The following TRPV4 variants were observed in gnomAD, a reference collection of about 807,000 sequenced individuals.
The protein encoded by TRPV4 is OSM9-like transient receptor potential channel 4.
TRPV4 carries 58 observed loss-of-function variants against 84.1 expected under a neutral mutation model. That is an observed-to-expected ratio of 0.69 (90% CI 0.56 to 0.86). The LOEUF is 0.86. Ranked by LOEUF, TRPV4 falls within the 40% of genes least tolerant of loss-of-function variation. The pLI, the probability that TRPV4 is intolerant of heterozygous loss-of-function variation, is 0.00. For synonymous variants in TRPV4, 489 were observed against 500.9 expected (o/e 0.98, Z 0.32); for missense variants, 879 against 1,181.1 (o/e 0.74, Z 3.75).
intron 1 of TRPV4, among the ~76,000 whole-genome samples, chr12:109,816,805 A>G (rs773659451): frequency 6.6e-6 from 1 of 152,244 alleles, no homozygotes; most frequent in South Asian, 2.1e-4. Context: ...TAAGTTGCTT[A>G]GCCTCTCTGA....
intron 1 of TRPV4, among the ~76,000 whole-genome samples, chr12:109,820,513 C>CTTTTTTTTTTTTTTTTT (rs1245573219): frequency 2.8e-5 from 3 of 106,728 alleles, no homozygotes; most frequent in Non-Finnish European, 4.1e-5. Context: ...CTTCAGCTGC[C>CTTTTTTTTTTTTTTTTT]CTATTTTTTT....
chr12:109,792,346 G>A lies in TRPV4; in HGVS notation c.1891+17C>T, dbSNP rs376766007. On this transcript the variant is annotated intron_variant, in intron 12 of 15. Transcript: ENST00000261740. ...TGCACCACCCCTGCCAGGACCACCT[G>A]AGCACCCAGAGCTCACCTGAAGCGT... 29 of 1,611,302 alleles carry A rather than the reference G, an allele frequency of 1.8e-5. No individual in the cohort carries two copies. In the African/African-American group the frequency reaches 2.1e-4, roughly 12 times the overall value.
chr12:109,788,945 G>A (rs758854470), intron 12 of TRPV4, among the ~76,000 whole-genome samples: 1 of 152,172 alleles, frequency 6.6e-6, no homozygotes, highest in African/African-American at 2.4e-5. Flanking sequence ...ATAAGGAAGA[G>A]GTTATCTCTC....
At chr12:109,825,611 T>C (rs1284576682) in intron 1 of TRPV4, among the ~76,000 whole-genome samples, 2 of 151,952 alleles carry the variant, frequency 1.3e-5, no homozygotes, top group African/African-American at 4.8e-5. Flanking sequence ...TTGGAAAGGG[T>C]TTCCTCGCCA....
chr12:109,830,578 G>A (rs975095560), intron 1 of TRPV4, among the ~76,000 whole-genome samples: 1 of 152,136 alleles, frequency 6.6e-6, no homozygotes, highest in African/African-American at 2.4e-5. Context: ...ATTCCAGAGG[G>A]CCCACTGGCA....
Position 109,814,871 on chromosome 12 carries a change from G to T in TRPV4, c.-31-44C>A, listed in dbSNP as rs1891771094. The stretch of plus-strand genomic sequence containing the variant: ...GGAGTCAGGCAGAACCCGGCCAGGG[G>T]CGGGGGCTCCAGGAAGCCCCCTCCC... On this transcript the variant is annotated intron_variant, in intron 1 of 15. Coordinates refer to ENST00000261740, the MANE Select transcript of TRPV4 (RefSeq NM_021625.5). This position sits in a 1 kb window ranked among gnomAD's most constrained non-coding sequence, Gnocchi z 5.4. The T allele has an allele frequency of 8.5e-6, 13 of 1,521,336 alleles. No homozygotes were observed. In the South Asian group the frequency reaches 1.4e-4, roughly 17 times the overall value. The allele number at this position is 1,521,336 out of a possible 1,614,324, so 94.2% of individuals were successfully genotyped here. A position where few individuals can be genotyped will look rare whatever the true frequency, so the allele number is the denominator to read the frequency against.
At chr12:109,819,575 T>A (rs1892011305) in intron 1 of TRPV4, among the ~76,000 whole-genome samples, 1 of 152,188 alleles carries the variant, frequency 6.6e-6, no homozygotes, top group Non-Finnish European at 1.5e-5. Flanking sequence ...GGGTGTTTGT[T>A]TGTTGAGACA....
rs779325064 is a variant in TRPV4 at position 109,793,558 on chromosome 12, G to C, written c.1627C>G (p.Leu543Val). Residue 543 changes from leucine to valine, a missense_variant, in exon 10 of 16, where the codon CTC becomes GTC. This residue lies in a region of TRPV4 where 521 missense variants were observed against 686.6 expected (regional missense o/e 0.76). Coordinates refer to ENST00000261740, the MANE Select transcript of TRPV4 (RefSeq NM_021625.5). This position sits in a 1 kb window ranked among gnomAD's most constrained non-coding sequence, Gnocchi z 4.0. ...AGCTGGAAGGAGCCATCAATGAAGA[G>C]AGAATTCACTCCAGGGCATTTCTTC... ...FMKKCPGVNS[L>V]FIDGSFQLLY... The C allele has an allele frequency of 1.8e-5, 29 of 1,614,068 alleles. No individual in the cohort carries two copies. Among genetic ancestry groups the C allele is most frequent in the Non-Finnish European group, 2.2e-5 (26 of 1,179,996 alleles).
chr12:109,831,296 A>G lies in TRPV4; in HGVS notation c.-32+2054T>C, dbSNP rs559227574. On this transcript the variant is annotated intron_variant, in intron 1 of 15. Transcript: ENST00000261740. ...TTATTCTTTAAGGTGCGGCTTAAAC[A>G]CTACCTTGACCAAGCCCTCGTGGGT... 2.8e-4 allele frequency among the ~76,000 whole-genome samples: 43 copies of G among 152,298 alleles called. 1 individual carries two copies. Among genetic ancestry groups the G allele is most frequent in the Admixed American group, 2.1e-3 (32 of 15,304 alleles).
intron 2 of TRPV4, 121 bp from the exon 3 acceptor site, chr12:109,808,589 AG>A: frequency 3.4e-6 from 3 of 881,524 alleles, no homozygotes; most frequent in Non-Finnish European, 5.2e-6. Flanking sequence ...TACAAGGAAC[AG>A]GGTGAGGTAG....
At chr12:109,830,517 C>T (rs1315492983) in intron 1 of TRPV4, among the ~76,000 whole-genome samples, 8 of 152,164 alleles carry the variant, frequency 5.3e-5, no homozygotes, top group African/African-American at 1.4e-4. Flanking sequence ...CTCAAGAGAT[C>T]GGAATTAATC....
chr12:109,824,208 G>A (rs1291807679), intron 1 of TRPV4, among the ~76,000 whole-genome samples: 2 of 151,870 alleles, frequency 1.3e-5, no homozygotes, highest in African/African-American at 2.4e-5. Context: ...CAGGTGATCC[G>A]ACCGCCTCGG....
Position 109,794,430 on chromosome 12 carries a change from G to A in TRPV4, c.1390C>T (p.Arg464Cys), listed in dbSNP as rs373049874. ...PINELLRDKW[R>C]KFGAVSFYIN... Reference sequence around the variant, plus strand: ...TAGAAGGAGACGGCCCCGAACTTGCGCCACTTGTCCCGCAGCAGTTCATTG... The same window carrying A: ...TAGAAGGAGACGGCCCCGAACTTGCACCACTTGTCCCGCAGCAGTTCATTG... The change falls in exon 8 of 16, where the codon CGC becomes TGC. Residue 464 changes from arginine (R) to cysteine (C), a missense_variant. Transcript: ENST00000261740. 3.7e-5 allele frequency: 60 copies of A among 1,613,908 alleles called. No homozygotes were observed. Among genetic ancestry groups the A allele is most frequent in the Middle Eastern group, 1.6e-4 (1 of 6,084 alleles).
chr12:109,787,962 G>A (rs1262834146), intron 13 of TRPV4, among the ~76,000 whole-genome samples: 4 of 152,232 alleles, frequency 2.6e-5, no homozygotes, highest in African/African-American at 9.6e-5. Flanking sequence ...TTCTCCTCTA[G>A]GAAGCATGCT....
chr12:109,805,135 T>C (rs943021602), intron 3 of TRPV4, among the ~76,000 whole-genome samples: 1 of 152,258 alleles, frequency 6.6e-6, no homozygotes, highest in African/African-American at 2.4e-5. Context: ...ATGATGGTCC[T>C]GTCCAGGAGC....
At chr12:109,801,350 T>G (rs1159714574) in intron 4 of TRPV4, among the ~76,000 whole-genome samples, 1 of 152,180 alleles carries the variant, frequency 6.6e-6, no homozygotes. Context: ...AGGGACCCTG[T>G]GAAAGGTAAT....
intron 1 of TRPV4, among the ~76,000 whole-genome samples, chr12:109,820,308 G>C (rs1892040943): frequency 6.6e-6 from 1 of 152,054 alleles, no homozygotes; most frequent in South Asian, 2.1e-4. Context: ...GGCTGAGCCA[G>C]GGTCCCCAGA....
intron 3 of TRPV4, among the ~76,000 whole-genome samples, chr12:109,807,698 G>C (rs1891233808): frequency 6.6e-6 from 1 of 152,214 alleles, no homozygotes; most frequent in Non-Finnish European, 1.5e-5. Flanking sequence ...CCGGTGTCCT[G>C]AGGTGGGTGT....
chr12:109,808,952 C>G, intron 2 of TRPV4, among the ~76,000 whole-genome samples: 1 of 151,020 alleles, frequency 6.6e-6, no homozygotes, highest in African/African-American at 2.4e-5. Flanking sequence ...ATCCATCATT[C>G]ATCCATCCAT....
Sources: allele counts gnomAD v4.1 joint callset (sites outside exome capture counted in the v4.1 genomes callset), GRCh38; gene constraint gnomAD v4.1.1; regional missense constraint gnomAD v4.1.1; non-coding constraint Gnocchi (gnomAD v3.1); transcripts MANE v1.5; gene names NCBI Gene and HGNC (gene_info 2026-07-23, HGNC 2026-07-21).